Variants in COL4A5 observed in about 807,000 individuals in gnomAD.
COL4A5 encodes collagen alpha-5(IV) chain.
COL4A5 carries 26 observed loss-of-function variants against 130.2 expected under a neutral mutation model. The observed-to-expected ratio is 0.20, with a 90% CI of 0.15 to 0.28. The LOEUF is 0.28. Among genes scored for constraint, COL4A5 ranks in the 10% least tolerant of loss-of-function variants. The pLI is 1.00. For synonymous variants in COL4A5, 496 were observed against 439.6 expected (o/e 1.13, Z -1.60); for missense variants, 1,131 against 1,344.3 (o/e 0.84, Z 2.48).
Position 108,576,421 on chromosome X carries a change from T to A in COL4A5, c.609+449T>A, listed in dbSNP as rs768666723. ...ACAGTAGAATTGGTGAGGGGAGTGATCACTATGCAATTGGTCACAGGTTTT... is the reference window on the plus strand; with the variant it reads ...ACAGTAGAATTGGTGAGGGGAGTGAACACTATGCAATTGGTCACAGGTTTT... On this transcript the variant is annotated intron_variant, in intron 10 of 52. Transcript: ENST00000328300. Among the ~76,000 whole-genome samples, 13 of 111,815 alleles carry A rather than the reference T, an allele frequency of 1.2e-4. No homozygotes were observed. The South Asian group carries it at 4.9e-3, about 42-fold the overall frequency.
intron 1 of COL4A5, among the ~76,000 whole-genome samples, chrX:108,531,247 A>C (rs957044678): frequency 3.1e-5 from 3 of 95,509 alleles, no homozygotes; most frequent in African/African-American, 1.1e-4. Context: ...ATTAGGAGAT[A>C]TACCTAATGC....
chrX:108,615,175 C>A (rs1025126458), intron 30 of COL4A5, 151 bp downstream of exon 30: 2 of 483,586 alleles, frequency 4.1e-6, no homozygotes. Flanking sequence ...TGGATAAGTA[C>A]AAGCCACAGC....
In COL4A5 at chrX:108,584,519, T is replaced by C. The variant is rs2147784444; in HGVS notation, c.1026T>C (p.Pro342=). 8.3e-7 allele frequency: 1 copy of C among 1,202,957 alleles called. No homozygotes were observed. Among genetic ancestry groups the C allele is most frequent in the Non-Finnish European group, 1.1e-6 (1 of 891,564 alleles). Residue 342 remains proline (P), a synonymous_variant, in exon 18 of 53, where the codon CCT becomes CCC. Transcript: ENST00000328300. ...GTGACACTGGCCCACCTGGACCTCCTGGACTTGTAAGTTTTTTTTTTTTAG... is the reference window on the plus strand; with the variant it reads ...GTGACACTGGCCCACCTGGACCTCCCGGACTTGTAAGTTTTTTTTTTTTAG... ...QKGDTGPPGP[P]GLVIPRPGTG... is the part of the protein sequence containing the mutation.
rs138489515 is a variant in COL4A5 at position 108,583,745 on chromosome X, A to G, written c.991-739A>G. On this transcript the variant is annotated intron_variant, in intron 17 of 52. Coordinates refer to ENST00000328300, the MANE Select transcript of COL4A5 (RefSeq NM_033380.3). Reference sequence around the variant, plus strand: ...ATTTTTTGTCAAATAGTATTTGTATATAGATGGATGGCTTCTATGAACAAG... The same window carrying G: ...ATTTTTTGTCAAATAGTATTTGTATGTAGATGGATGGCTTCTATGAACAAG... Among the ~76,000 whole-genome samples the G allele has an allele frequency of 1.0e-3, 113 of 111,592 alleles. 4 individuals carry two copies. In the East Asian group the frequency reaches 0.03, roughly 30 times the overall value.
chrX:108,519,779 C>G (rs1269450187), intron 1 of COL4A5, among the ~76,000 whole-genome samples: 1 of 110,384 alleles, frequency 9.1e-6, no homozygotes, highest in Non-Finnish European at 1.9e-5. Context: ...ATCCACTTTC[C>G]TCACTTTTTC....
chrX:108,449,688 G>A (rs1336648791), intron 1 of COL4A5, among the ~76,000 whole-genome samples: 1 of 111,449 alleles, frequency 9.0e-6, no homozygotes, highest in Admixed American at 9.6e-5. Context: ...TCTGGTGAGG[G>A]CCCTCTTTCT....
intron 45 of COL4A5, 60 bp from the exon 46 acceptor site, chrX:108,680,825 A>G: frequency 8.4e-7 from 1 of 1,189,335 alleles, no homozygotes; most frequent in Non-Finnish European, 1.1e-6. Flanking sequence ...TTCTGATTTG[A>G]CTGGGTAAAG....
intron 1 of COL4A5, among the ~76,000 whole-genome samples, chrX:108,461,665 G>A (rs2064653604): frequency 9.0e-6 from 1 of 110,660 alleles, no homozygotes; most frequent in African/African-American, 3.3e-5. Context: ...CATGATCTCG[G>A]CTCACTGGAA....
In COL4A5 at chrX:108,545,573, A is replaced by G. The variant is rs145388465; in HGVS notation, c.141+5768A>G. ...TAAGTGCGGTGTGGTGCTGAGAAGAATGTATATTCTTTTGATTTGGGGTGG... is the reference window on the plus strand; with the variant it reads ...TAAGTGCGGTGTGGTGCTGAGAAGAGTGTATATTCTTTTGATTTGGGGTGG... On this transcript the variant is annotated intron_variant, in intron 2 of 52. Transcript: ENST00000328300. Among the ~76,000 whole-genome samples the G allele has an allele frequency of 6.0e-3, 674 of 111,800 alleles. 4 individuals are homozygous for G. The highest frequency in any genetic ancestry group is 0.02 in the South Asian group (53 of 2,657).
chrX:108,570,794 A>G (rs1243212753), intron 6 of COL4A5, among the ~76,000 whole-genome samples: 4 of 111,604 alleles, frequency 3.6e-5, no homozygotes, highest in Non-Finnish European at 5.6e-5. Context: ...CGTGGCATAC[A>G]GGTATTTGAA....
chrX:108,440,326 C>T (rs2064378149), intron 1 of COL4A5, 120 bp downstream of exon 1: 1 of 519,733 alleles, frequency 1.9e-6, no homozygotes, highest in African/African-American at 2.4e-5. Context: ...TTCAAATTTG[C>T]TTTCTCATGT....
intron 1 of COL4A5, among the ~76,000 whole-genome samples, chrX:108,508,427 A>G (rs926886892): frequency 9.1e-6 from 1 of 110,297 alleles, no homozygotes; most frequent in Non-Finnish European, 1.9e-5. Flanking sequence ...GCTCATGGAT[A>G]GGAAAAATCA....
intron 36 of COL4A5, among the ~76,000 whole-genome samples, chrX:108,650,977 C>G (rs932893886): frequency 4.5e-5 from 5 of 111,320 alleles, no homozygotes; most frequent in Admixed American, 9.6e-5. Context: ...ATCCCATACA[C>G]TGGAATATCA....
At chrX:108,611,877 T>C (rs772809066) in intron 29 of COL4A5, among the ~76,000 whole-genome samples, 1 of 111,165 alleles carries the variant, frequency 9.0e-6, no homozygotes, top group Non-Finnish European at 1.9e-5. Context: ...ATATCTCTCA[T>C]GAACATAGAC....
intron 49 of COL4A5, among the ~76,000 whole-genome samples, chrX:108,688,670 C>T (rs1603324029): frequency 2.7e-5 from 3 of 111,564 alleles, no homozygotes; most frequent in African/African-American, 9.8e-5. Flanking sequence ...ATGTTGACCT[C>T]GTGATCTGCC....
rs1436603035 is a variant in COL4A5, at chrX:108,439,957, T to TC, written c.-168dup. ...AGGAAGAGTAGCTCCTTCTTCTTCT[T>TC]CTTTTTTTTTTCTTCCACTCTTAAA... On this transcript the variant is annotated 5_prime_UTR_variant, in exon 1 of 53. Coordinates refer to ENST00000328300, the MANE Select transcript of COL4A5 (RefSeq NM_033380.3). 6 of 438,921 alleles carry TC rather than the reference T, an allele frequency of 1.4e-5. No homozygotes were observed. The highest frequency in any genetic ancestry group is 2.0e-5 in the Non-Finnish European group (5 of 253,079). 36.2% of individuals were successfully genotyped at this position (438,921 alleles called of 1,213,427 possible).
intron 1 of COL4A5, among the ~76,000 whole-genome samples, chrX:108,492,721 C>T (rs964975567): frequency 9.0e-6 from 1 of 110,966 alleles, no homozygotes; most frequent in African/African-American, 3.3e-5. Flanking sequence ...AAATGTCTGG[C>T]CATTTTTATT....
chrX:108,482,094 A>G (rs2147528252), intron 1 of COL4A5, among the ~76,000 whole-genome samples: 1 of 111,820 alleles, frequency 8.9e-6, no homozygotes, highest in South Asian at 3.8e-4. Flanking sequence ...AGAGTCCCTA[A>G]GCAGTGGGCC....
At chrX:108,510,472 C>G (rs1039619711) in intron 1 of COL4A5, among the ~76,000 whole-genome samples, 4 of 109,998 alleles carry the variant, frequency 3.6e-5, no homozygotes, top group African/African-American at 1.3e-4. Context: ...TCTTTCCCAC[C>G]AAGAATTGTG....
Sources: allele counts gnomAD v4.1 joint callset (sites outside exome capture counted in the v4.1 genomes callset), GRCh38; gene constraint gnomAD v4.1.1; transcripts MANE v1.5; gene names NCBI Gene and HGNC (gene_info 2026-07-23, HGNC 2026-07-21).